Variants in CYP4X1 observed in about 807,000 individuals in gnomAD.
The protein encoded by CYP4X1 is cytochrome P450 4X1.
Under a neutral mutation model 57.9 loss-of-function variants are expected in CYP4X1, and 44 were observed. The observed-to-expected ratio is 0.76, with a 90% CI of 0.60 to 0.98. The LOEUF (loss-of-function observed/expected upper bound fraction) is 0.98, where lower values mean the gene tolerates loss of function less well. CYP4X1 is among the 50% of genes least tolerant of loss of function. CYP4X1 has a pLI of 0.00. For missense variants in CYP4X1, 532 were observed against 623.9 expected, an observed-to-expected ratio of 0.85 and a Z score of 1.57; for synonymous variants, 227 against 228.6, an observed-to-expected ratio of 0.99 and a Z score of 0.06.
chr1:46,965,679 A>T, the CYP4X1 span, among the ~76,000 whole-genome samples: 1 of 152,218 alleles, frequency 6.6e-6, no homozygotes, highest in Non-Finnish European at 1.5e-5. Context: ...CAGTCAGAAG[A>T]GCAGGATCAG....
At chr1:47,052,443 G>A (rs1644365460), downstream of CYP4X1, among the ~76,000 whole-genome samples, 1 of 151,940 alleles carries the variant, frequency 6.6e-6, no homozygotes, top group Admixed American at 6.6e-5. Context: ...AGTTCACAAA[G>A]GCATTCCTTT....
chr1:46,961,437 C>G, the CYP4X1 span: 1 of 585,870 alleles, frequency 1.7e-6, no homozygotes, highest in African/African-American at 1.9e-5. Flanking sequence ...CTGGGCCCAC[C>G]AGTTTTTCTA....
Position 47,050,244 on chromosome 1 carries a change from A to T in CYP4X1, c.*70A>T. The T allele has an allele frequency of 6.5e-7, 1 of 1,545,950 alleles. No individual in the cohort carries two copies. The highest frequency in any genetic ancestry group is 8.9e-7 in the Non-Finnish European group (1 of 1,129,388). On this transcript the variant is annotated 3_prime_UTR_variant, in exon 12 of 12. Coordinates refer to ENST00000371901, the MANE Select transcript of CYP4X1 (RefSeq NM_178033.2). Reference sequence around the variant, plus strand: ...AATTTACAGCTAATGATCCAAGCAGATAGAAAGGGATCAATGTATGGTGGG... The same window carrying T: ...AATTTACAGCTAATGATCCAAGCAGTTAGAAAGGGATCAATGTATGGTGGG...
the CYP4X1 span, among the ~76,000 whole-genome samples, chr1:46,964,413 G>A: frequency 1.3e-5 from 2 of 152,112 alleles, no homozygotes; most frequent in African/African-American, 4.8e-5. Flanking sequence ...TACAGGTGGG[G>A]TTTTGGTGTG....
At chr1:47,005,558 T>C in the CYP4X1 span, among the ~76,000 whole-genome samples, 1 of 152,210 alleles carries the variant, frequency 6.6e-6, no homozygotes, top group African/African-American at 2.4e-5. Context: ...TGTATACAAG[T>C]CTAGATGTGT....
the CYP4X1 span, among the ~76,000 whole-genome samples, chr1:47,000,406 G>C: frequency 6.6e-6 from 1 of 152,138 alleles, no homozygotes; most frequent in African/African-American, 2.4e-5. Context: ...TGCAAGAAAG[G>C]CAGCTCTAGA....
intron 2 of CYP4X1, among the ~76,000 whole-genome samples, chr1:47,030,436 A>G (rs937961085): frequency 3.9e-5 from 6 of 152,098 alleles, no homozygotes; most frequent in Non-Finnish European, 8.8e-5. Flanking sequence ...CAGTGTCAGC[A>G]ACACTTCCCA....
At chr1:46,968,127 C>A in the CYP4X1 span, among the ~76,000 whole-genome samples, 1 of 152,064 alleles carries the variant, frequency 6.6e-6, no homozygotes, top group East Asian at 1.9e-4. Flanking sequence ...CAGAAGGGCA[C>A]TAGAAATTTT....
chr1:46,965,205 G>A, the CYP4X1 span, among the ~76,000 whole-genome samples: 23 of 152,188 alleles, frequency 1.5e-4, no homozygotes, highest in Admixed American at 3.3e-4. Flanking sequence ...GCGATGCCTC[G>A]CCCTGAATTG....
chr1:47,049,883 ATTTGGTGGAAAAATATCACTTTACTGT>A, intron 11 of CYP4X1, 90 bp from the exon 12 acceptor site: 1 of 1,098,214 alleles, frequency 9.1e-7, no homozygotes. Context: ...TTTCAATGGC[ATTTGGTGGAAAAATATCACTTTACTGT>A]GTACTTCAGA....
At chr1:47,044,012 G>T (rs1644275125) in intron 8 of CYP4X1, among the ~76,000 whole-genome samples, 1 of 152,110 alleles carries the variant, frequency 6.6e-6, no homozygotes, top group East Asian at 1.9e-4. Context: ...TGCTGTAGGG[G>T]CATATGCTTG....
At chr1:47,016,349 A>AT in the CYP4X1 span, among the ~76,000 whole-genome samples, 56,240 of 146,430 alleles carry the variant, frequency 0.38, 12,144 homozygotes, top group East Asian at 0.71. Context: ...TTTTTTTTTA[A>AT]TTTTTTTTTT....
chr1:46,970,544 T>A, the CYP4X1 span, among the ~76,000 whole-genome samples: 240 of 152,328 alleles, frequency 1.6e-3, no homozygotes, highest in Middle Eastern at 3.4e-3. Context: ...TGAGTCTATG[T>A]TAAAGAAAAA....
chr1:47,038,726 G>A lies in CYP4X1; in HGVS notation c.842G>A (p.Arg281Lys), dbSNP rs141762705. ...GTAAAGCAGGATAACACTCCGAAGAGGAAGTACCAGGATTTTCTGGATATT... is the reference window on the plus strand; with the variant it reads ...GTAAAGCAGGATAACACTCCGAAGAAGAAGTACCAGGATTTTCTGGATATT... ...AGVKQDNTPK[R>K]KYQDFLDIVL... The change falls in exon 7 of 12, where the codon AGG becomes AAG. Residue 281 changes from arginine to lysine, a missense_variant. Transcript: ENST00000371901. 136 of 1,610,784 alleles carry A rather than the reference G, an allele frequency of 8.4e-5. No individual in the cohort carries two copies. Among genetic ancestry groups the A allele is most frequent in the Middle Eastern group, 1.6e-4 (1 of 6,076 alleles).
chr1:47,022,647 G>A (rs1644011238), upstream of CYP4X1, among the ~76,000 whole-genome samples: 1 of 152,182 alleles, frequency 6.6e-6, no homozygotes, highest in Non-Finnish European at 1.5e-5. Flanking sequence ...AGAGAGTGGA[G>A]CGTAGGCTTA....
At chr1:47,023,432 A>C, upstream of CYP4X1, 1 of 777,586 alleles carries the variant, frequency 1.3e-6, no homozygotes, top group Non-Finnish European at 1.6e-6. Flanking sequence ...ATGGAAAAGA[A>C]AATCTCTTGC....
chr1:47,020,703 G>A (rs1643986736), upstream of CYP4X1, among the ~76,000 whole-genome samples: 1 of 152,036 alleles, frequency 6.6e-6, no homozygotes, highest in South Asian at 2.1e-4. Flanking sequence ...TGCTATCCTG[G>A]GATACAGCTC....
At chr1:47,046,257 A>T (rs572690876) in intron 8 of CYP4X1, among the ~76,000 whole-genome samples, 2 of 152,188 alleles carry the variant, frequency 1.3e-5, no homozygotes, top group African/African-American at 4.8e-5. Flanking sequence ...TCACTTTATA[A>T]TAAGGATATA....
the CYP4X1 span, among the ~76,000 whole-genome samples, chr1:47,010,508 G>A: frequency 6.6e-6 from 1 of 152,186 alleles, no homozygotes; most frequent in East Asian, 1.9e-4. Context: ...CACAAGACAG[G>A]GATGCCCTCT....
Sources: allele counts gnomAD v4.1 joint callset (sites outside exome capture counted in the v4.1 genomes callset), GRCh38; gene constraint gnomAD v4.1.1; transcripts MANE v1.5; gene names NCBI Gene and HGNC (gene_info 2026-07-23, HGNC 2026-07-21).